Variants in CMSS1 observed in about 807,000 individuals in gnomAD.
The protein encoded by CMSS1 is protein CMSS1.
Under a neutral mutation model 43.5 loss-of-function variants are expected in CMSS1, and 33 were observed. That is an observed-to-expected ratio of 0.76 (90% CI 0.57 to 1.01). CMSS1 has a LOEUF of 1.01. Ranked by LOEUF, CMSS1 falls within the 50% of genes least tolerant of loss-of-function variation. The pLI, the probability that CMSS1 is intolerant of heterozygous loss-of-function variation, is 0.00. For synonymous variants in CMSS1, 115 were observed against 117.2 expected (o/e 0.98, Z 0.12); for missense variants, 313 against 326.4 (o/e 0.96, Z 0.32).
intron 1 of CMSS1, among the ~76,000 whole-genome samples, chr3:99,834,620 G>A (rs1324390825): frequency 6.6e-6 from 1 of 152,124 alleles, no homozygotes; most frequent in Non-Finnish European, 1.5e-5. Context: ...TTATCCATCT[G>A]TGAACTTTTT....
rs148152487 is a variant in CMSS1, at chr3:99,871,155, T to C, written c.64+53112T>C. ...CTTAAGCTGAGCCTAACTTGGTTTC[T>C]AGTTAAGTTCACTGCCTTGACTTAA... On this transcript the variant is annotated intron_variant, in intron 1 of 9. Transcript: ENST00000421999. Among the ~76,000 whole-genome samples the C allele has an allele frequency of 4.6e-3, 695 of 152,346 alleles. 2 individuals are homozygous for C. Among genetic ancestry groups the C allele is most frequent in the South Asian group, 7.0e-3 (34 of 4,828 alleles).
chr3:99,952,125 GGTT>G (rs965976858), intron 1 of CMSS1, among the ~76,000 whole-genome samples: 2 of 151,930 alleles, frequency 1.3e-5, no homozygotes, highest in African/African-American at 2.4e-5. Flanking sequence ...CATCACCAGA[GGTT>G]GTTAAGAGTC....
intron 1 of CMSS1, among the ~76,000 whole-genome samples, chr3:99,921,403 A>G (rs1707120397): frequency 6.6e-6 from 1 of 152,148 alleles, no homozygotes; most frequent in Non-Finnish European, 1.5e-5. Context: ...TGAGGCCTGC[A>G]GTCTCCCAGC....
intron 1 of CMSS1, among the ~76,000 whole-genome samples, chr3:100,013,588 A>C (rs1489063114): frequency 6.6e-6 from 1 of 152,170 alleles, no homozygotes; most frequent in Non-Finnish European, 1.5e-5. Context: ...AGAATGTTTG[A>C]AATTATATTT....
intron 1 of CMSS1, among the ~76,000 whole-genome samples, chr3:99,926,451 T>G (rs934985061): frequency 5.3e-5 from 8 of 152,224 alleles, no homozygotes; most frequent in Middle Eastern, 3.2e-3. Flanking sequence ...CTCTGAAAAT[T>G]TTATCTTCAG....
chr3:99,993,641 T>C (rs1709588595), intron 1 of CMSS1, among the ~76,000 whole-genome samples: 1 of 152,088 alleles, frequency 6.6e-6, no homozygotes, highest in African/African-American at 2.4e-5. Flanking sequence ...ATTATGTTAA[T>C]GTGTGTTCCT....
intron 1 of CMSS1, among the ~76,000 whole-genome samples, chr3:99,825,889 T>A (rs1942528507): frequency 6.6e-6 from 1 of 150,802 alleles, no homozygotes; most frequent in Admixed American, 6.6e-5. Flanking sequence ...GCGATTCTCC[T>A]GCCTCAGCCT....
chr3:99,852,571 G>A (rs913418198), intron 1 of CMSS1, among the ~76,000 whole-genome samples: 9 of 151,946 alleles, frequency 5.9e-5, no homozygotes, highest in Non-Finnish European at 7.4e-5. Flanking sequence ...TCAGCCTCCC[G>A]AGTAGCTGGG....
chr3:99,856,838 A>G (rs1399528898), intron 1 of CMSS1, among the ~76,000 whole-genome samples: 6 of 152,168 alleles, frequency 3.9e-5, no homozygotes, highest in Admixed American at 2.0e-4. Context: ...TGAGACACTG[A>G]GTATTAGTAA....
intron 1 of CMSS1, among the ~76,000 whole-genome samples, chr3:100,006,039 T>G (rs1374124284): frequency 6.6e-6 from 1 of 152,156 alleles, no homozygotes; most frequent in Non-Finnish European, 1.5e-5. Flanking sequence ...GATAGAAGTT[T>G]TATAGAAAAG....
At chr3:100,042,883 T>C (rs1444680750) in intron 1 of CMSS1, among the ~76,000 whole-genome samples, 1 of 152,212 alleles carries the variant, frequency 6.6e-6, no homozygotes, top group Non-Finnish European at 1.5e-5. Context: ...AGAGCCAAAG[T>C]TCCCAGACCT....
At chr3:99,850,117 G>C in intron 1 of CMSS1, 4 of 1,612,752 alleles carry the variant, frequency 2.5e-6, no homozygotes, top group Non-Finnish European at 3.4e-6. Flanking sequence ...AGAAGAAGCA[G>C]CTTGTAATTT....
At chr3:99,948,140 G>T (rs886768926) in intron 1 of CMSS1, among the ~76,000 whole-genome samples, 1 of 152,110 alleles carries the variant, frequency 6.6e-6, no homozygotes, top group East Asian at 1.9e-4. Flanking sequence ...GTTAACAGTA[G>T]TGCATTAGAA....
intron 1 of CMSS1, among the ~76,000 whole-genome samples, chr3:100,073,122 G>T (rs902837465): frequency 1.3e-5 from 2 of 152,182 alleles, no homozygotes; most frequent in African/African-American, 4.8e-5. Flanking sequence ...TTTTAAGAAT[G>T]CTGTTATATT....
At chr3:100,004,253 A>G (rs1709926018) in intron 1 of CMSS1, among the ~76,000 whole-genome samples, 1 of 152,198 alleles carries the variant, frequency 6.6e-6, no homozygotes, top group Non-Finnish European at 1.5e-5. Context: ...TGGGTTGCAT[A>G]TAATCAAGGA....
chr3:100,083,172 A>T (rs911388410), intron 1 of CMSS1, among the ~76,000 whole-genome samples: 3 of 152,210 alleles, frequency 2.0e-5, no homozygotes, highest in Non-Finnish European at 4.4e-5. Context: ...TTTTTTACTT[A>T]ATGCTTCAGG....
intron 1 of CMSS1, among the ~76,000 whole-genome samples, chr3:100,112,140 C>A (rs1287205375): frequency 1.3e-5 from 2 of 152,180 alleles, no homozygotes; most frequent in Non-Finnish European, 2.9e-5. Context: ...AACAAACTTA[C>A]TGTGTATTGC....
At chr3:100,032,984 A>G (rs1488045224) in intron 1 of CMSS1, among the ~76,000 whole-genome samples, 10 of 152,112 alleles carry the variant, frequency 6.6e-5, no homozygotes, top group Non-Finnish European at 7.4e-5. Context: ...ACCAGGGCCA[A>G]ACTGCAATCC....
intron 1 of CMSS1, among the ~76,000 whole-genome samples, chr3:99,871,114 G>A (rs1372719814): frequency 6.6e-6 from 1 of 152,204 alleles, no homozygotes; most frequent in African/African-American, 2.4e-5. Flanking sequence ...ATACAAAGCA[G>A]ATTTCACTGC....
Sources: gnomAD v4.1 joint callset for allele counts (sites outside exome capture counted in the v4.1 genomes callset) on GRCh38, gnomAD v4.1.1 for gene constraint, MANE v1.5 for transcripts, NCBI Gene and HGNC (gene_info 2026-07-23, HGNC 2026-07-21) for gene names.